C5orf58: variants seen among roughly 807,000 people sequenced by gnomAD.
C5orf58 encodes chromosome 5 open reading frame 58, also known as putative uncharacterized protein C5orf58.
Under a neutral mutation model 2.9 loss-of-function variants are expected in C5orf58, and 2 were observed. That is an observed-to-expected ratio of 0.69 (90% CI 0.28 to 2.18). The LOEUF (loss-of-function observed/expected upper bound fraction) is 2.18. C5orf58 is among the 30% of genes most tolerant of loss of function. The pLI, the probability that C5orf58 is intolerant of heterozygous loss-of-function variation, is 0.13. For missense variants in C5orf58, 96 were observed against 91.7 expected, an observed-to-expected ratio of 1.05 and a Z score of -0.19; for synonymous variants, 37 against 33.4, an observed-to-expected ratio of 1.11 and a Z score of -0.37.
chr5:170,251,944 G>A (rs1196180675), exon 3 of C5orf58: 6 of 247,110 alleles, frequency 2.4e-5, no homozygotes, highest in Admixed American at 4.5e-5. Flanking sequence ...GTAAAGTTTC[G>A]GCACTGGCTA....
chr5:170,250,991 G>A (rs1287494762), downstream of C5orf58: 1 of 808,740 alleles, frequency 1.2e-6, no homozygotes, highest in Non-Finnish European at 2.0e-6. Context: ...CATGTCAGTT[G>A]CACTTTGCAG....
At chr5:170,250,807 TATCTTTGTACAACACC>T, downstream of C5orf58, 1 of 1,612,152 alleles carries the variant, frequency 6.2e-7, no homozygotes, top group Non-Finnish European at 8.5e-7. Flanking sequence ...TTGTAAACTT[TATCTTTGTACAACACC>T]ATGAGGACAT....
In C5orf58 at chr5:170,234,199, G is replaced by A. The variant is rs556849031; in HGVS notation, c.-1+1G>A. The stretch of plus-strand genomic sequence containing the variant: ...GGTAGAGGCAAGGATTGACTTAAAG[G>A]TTAGTTTGTTTTCATTATTTTGGAC... On this transcript the variant is annotated splice_donor_variant, in intron 2 of 3. Coordinates refer to ENST00000593851, the MANE Select transcript of C5orf58 (RefSeq NM_001102609.3). LOFTEE classifies it low-confidence loss of function (5UTR_SPLICE). 22 of 1,366,360 alleles carry A rather than the reference G, an allele frequency of 1.6e-5. No homozygotes were observed. The South Asian group carries it at 2.3e-4, about 14-fold the overall frequency. 84.6% of individuals were successfully genotyped at this position (1,366,360 alleles called of 1,614,324 possible).
intron 3 of C5orf58, among the ~76,000 whole-genome samples, chr5:170,245,644 G>A (rs1056910763): frequency 5.3e-5 from 8 of 152,282 alleles, no homozygotes; most frequent in East Asian, 1.9e-4. Flanking sequence ...CACACCGTGC[G>A]CGCACCCACT....
chr5:170,237,427 GT>G, intron 3 of C5orf58: 1 of 396,356 alleles, frequency 2.5e-6, no homozygotes, highest in Non-Finnish European at 4.5e-6. Context: ...CTTTTTCAAG[GT>G]CAAGCAACTA....
downstream of C5orf58, chr5:170,250,738 C>T (rs764600817): frequency 1.9e-6 from 3 of 1,613,108 alleles, no homozygotes; most frequent in Admixed American, 3.3e-5. Flanking sequence ...ACCTCTTTCC[C>T]TCGGAGTCCA....
Position 170,235,020 on chromosome 5 carries a change from A to C in C5orf58, c.44A>C (p.Lys15Thr), listed in dbSNP as rs760703104. The C allele has an allele frequency of 6.4e-7, 1 of 1,551,412 alleles. No individual in the cohort carries two copies. Among genetic ancestry groups the C allele is most frequent in the South Asian group, 1.2e-5 (1 of 85,884 alleles). The change falls in exon 3 of 4, where the codon AAA becomes ACA. Residue 15 changes from lysine to threonine, a missense_variant. Lys to Thr is a moderately conservative substitution (Grantham distance 78). Transcript: ENST00000593851. ...ACTGATCATAAGCTAAATGTGGACA[A>C]AGTAATTAAAAATATTAACACAATT... Reference protein sequence around the residue: ...RVTDHKLNVDKVIKNINTISS... With the variant: ...RVTDHKLNVDTVIKNINTISS...
downstream of C5orf58, chr5:170,248,526 A>C (rs1312031021): frequency 1.5e-5 from 10 of 668,670 alleles, no homozygotes; most frequent in Non-Finnish European, 2.6e-5. Context: ...AAATTATGGG[A>C]TAGTTGACAG....
Position 170,239,528 on chromosome 5 carries a change from TA to T in C5orf58, c.94+4470del, listed in dbSNP as rs796893069. On this transcript the variant is annotated intron_variant, in intron 3 of 3. Transcript: ENST00000593851. ...AAAGCAACAAAAACAAAGTGAGCTATAAAAAAAAAAAATTAAAATGGTTGCC... is the reference window on the plus strand; with the variant it reads ...AAAGCAACAAAAACAAAGTGAGCTATAAAAAAAAAAATTAAAATGGTTGCC... Among the ~76,000 whole-genome samples the T allele has an allele frequency of 6.5e-3, 950 of 145,872 alleles. 8 individuals are homozygous for T. The highest frequency in any genetic ancestry group is 0.019 in the African/African-American group (782 of 40,170).
chr5:170,246,143 T>G lies in C5orf58; in HGVS notation c.*30T>G. On this transcript the variant is annotated 3_prime_UTR_variant, in exon 4 of 4. Coordinates refer to ENST00000593851, the MANE Select transcript of C5orf58 (RefSeq NM_001102609.3). Reference sequence around the variant, plus strand: ...TTATTTGTTATGAGTTTCTGTTTTATTGTTGAACTAACAAATATTTGGGAG... The same window carrying G: ...TTATTTGTTATGAGTTTCTGTTTTAGTGTTGAACTAACAAATATTTGGGAG... The G allele has an allele frequency of 2.6e-6, 4 of 1,566,054 alleles. No homozygotes were observed. Among genetic ancestry groups the G allele is most frequent in the Non-Finnish European group, 3.5e-6 (4 of 1,148,172 alleles).
At chr5:170,234,810 A>G (rs1244368576) in intron 2 of C5orf58, 167 bp from the exon 3 acceptor site, 1 of 440,480 alleles carries the variant, frequency 2.3e-6, no homozygotes, top group African/African-American at 2.1e-5. Context: ...AAAATATTAC[A>G]TAACACATTA....
In C5orf58 at chr5:170,246,219, A is replaced by T; in HGVS notation, c.*106A>T. The T allele has an allele frequency of 1.1e-6, 1 of 939,298 alleles. No individual in the cohort carries two copies. The highest frequency in any genetic ancestry group is 1.5e-6 in the Non-Finnish European group (1 of 659,444). 58.2% of individuals were successfully genotyped at this position (939,298 alleles called of 1,614,324 possible). On this transcript the variant is annotated 3_prime_UTR_variant, in exon 4 of 4. Transcript: ENST00000593851. ...TATAATTTAAAACAAAATAAAAATA[A>T]TGTAAACAAGCAGTTCATGTTCTTG...
downstream of C5orf58, among the ~76,000 whole-genome samples, chr5:170,250,037 T>G (rs1581054744): frequency 6.6e-6 from 1 of 152,198 alleles, no homozygotes; most frequent in Admixed American, 6.5e-5. Context: ...ATAACAGAAG[T>G]ATGTGAAGCA....
chr5:170,238,837 GTAGA>G (rs1760852296), intron 3 of C5orf58, among the ~76,000 whole-genome samples: 1 of 152,172 alleles, frequency 6.6e-6, no homozygotes, highest in South Asian at 2.1e-4. Flanking sequence ...AAGGATTAGT[GTAGA>G]TAAATTTTCA....
intron 1 of C5orf58, chr5:170,233,313 G>T: frequency 6.6e-6 from 1 of 152,562 alleles, no homozygotes; most frequent in Non-Finnish European, 1.5e-5. Context: ...TCCAAATCCT[G>T]TCTGGGAGGG....
At chr5:170,238,653 A>T (rs1561956844) in intron 3 of C5orf58, among the ~76,000 whole-genome samples, 1 of 152,238 alleles carries the variant, frequency 6.6e-6, no homozygotes, top group Non-Finnish European at 1.5e-5. Flanking sequence ...GTGAAATTTC[A>T]GTCTACTGAG....
At chr5:170,242,784 C>G (rs1307305942) in intron 3 of C5orf58, among the ~76,000 whole-genome samples, 2 of 151,562 alleles carry the variant, frequency 1.3e-5, no homozygotes, top group African/African-American at 4.9e-5. Flanking sequence ...TCCTTCAGTT[C>G]TGCTCTGATT....
chr5:170,250,653 C>T (rs1264773589), downstream of C5orf58: 2 of 1,174,516 alleles, frequency 1.7e-6, no homozygotes, highest in East Asian at 4.7e-5. Flanking sequence ...CACGGACTCT[C>T]AAAGATCGCT....
chr5:170,240,631 T>C (rs1348570149), intron 3 of C5orf58, among the ~76,000 whole-genome samples: 1 of 151,860 alleles, frequency 6.6e-6, no homozygotes, highest in African/African-American at 2.4e-5. Flanking sequence ...TGTTTGTTTT[T>C]TTCTTGTAAA....
Sources: allele counts gnomAD v4.1 joint callset (sites outside exome capture counted in the v4.1 genomes callset), GRCh38; gene constraint gnomAD v4.1.1; transcripts MANE v1.5; gene names NCBI Gene and HGNC (gene_info 2026-07-23, HGNC 2026-07-21).